CSMD1: variants seen among roughly 807,000 people sequenced by gnomAD.
CSMD1 encodes CUB and Sushi multiple domains 1.
Under a neutral mutation model 417.5 loss-of-function variants are expected in CSMD1, and 213 were observed. The ratio of observed to expected loss-of-function variants is 0.51; its 90% confidence interval spans 0.46 to 0.57. CSMD1 has a LOEUF of 0.57. Ranked by LOEUF, CSMD1 falls within the 20% of genes least tolerant of loss-of-function variation. CSMD1 has a pLI of 0.00. For missense variants in CSMD1, 6,923 were observed against 4,529.7 expected, an observed-to-expected ratio of 1.53 and a Z score of -15.17; for synonymous variants, 2,862 against 1,736.8, an observed-to-expected ratio of 1.65 and a Z score of -16.11.
rs114925198 is a variant in CSMD1 at position 4,904,417 on chromosome 8, T to C, written c.85+89915A>G. Among the ~76,000 whole-genome samples the C allele has an allele frequency of 7.0e-3, 1,071 of 152,300 alleles. 12 individuals carry two copies. The highest frequency in any genetic ancestry group is 0.025 in the African/African-American group (1,021 of 41,570). On this transcript the variant is annotated intron_variant, in intron 1 of 69. Coordinates refer to ENST00000635120, the MANE Select transcript of CSMD1 (RefSeq NM_033225.6). ...AGTCAGGCAAAGAACAAACAACTTA[T>C]ATCTCACAAATAAAACTAGCTATTT... is the stretch of plus-strand genomic sequence containing the variant.
chr8:3,858,328 T>C (rs1195775837), intron 5 of CSMD1, among the ~76,000 whole-genome samples: 1 of 152,214 alleles, frequency 6.6e-6, no homozygotes, highest in Non-Finnish European at 1.5e-5. Flanking sequence ...AAGGCTCTTC[T>C]TTTGAGAAAA....
At chr8:3,169,106 C>T (rs1033081088) in intron 37 of CSMD1, among the ~76,000 whole-genome samples, 1 of 152,138 alleles carries the variant, frequency 6.6e-6, no homozygotes, top group Admixed American at 6.5e-5. Context: ...CATTCATGGG[C>T]AGATGGTAAG....
At chr8:3,636,961 T>C (rs940377517) in intron 7 of CSMD1, among the ~76,000 whole-genome samples, 6 of 152,196 alleles carry the variant, frequency 3.9e-5, no homozygotes, top group African/African-American at 9.6e-5. Flanking sequence ...TGGATTGCTA[T>C]AAATGCGAAT....
At chr8:3,426,416 G>C (rs1267348257) in intron 12 of CSMD1, among the ~76,000 whole-genome samples, 1 of 152,054 alleles carries the variant, frequency 6.6e-6, no homozygotes, top group Non-Finnish European at 1.5e-5. Context: ...CTCTAACTTT[G>C]CTTTTTTATT....
At chr8:3,663,832 C>T (rs751682222) in intron 7 of CSMD1, among the ~76,000 whole-genome samples, 4 of 152,070 alleles carry the variant, frequency 2.6e-5, no homozygotes, top group Non-Finnish European at 2.9e-5. Flanking sequence ...CTCTGACCAC[C>T]GGGGGCACGT....
chr8:4,855,488 C>G (rs111535480), intron 1 of CSMD1, among the ~76,000 whole-genome samples: 1 of 151,800 alleles, frequency 6.6e-6, no homozygotes, highest in Non-Finnish European at 1.5e-5. Flanking sequence ...GACATTCAAA[C>G]GAAAGGCAAA....
At chr8:3,049,864 G>A (rs13262633) in intron 50 of CSMD1, among the ~76,000 whole-genome samples, 27,179 of 152,000 alleles carry the variant, frequency 0.18, 3,099 homozygotes, top group Non-Finnish European at 0.25. Flanking sequence ...CACATGTTGC[G>A]GACGGTGTGT....
chr8:3,925,167 T>C (rs959921716), intron 5 of CSMD1, among the ~76,000 whole-genome samples: 40 of 152,144 alleles, frequency 2.6e-4, no homozygotes, highest in Non-Finnish European at 3.7e-4. Flanking sequence ...TCCTGACCCA[T>C]AGAAATTATG....
chr8:3,877,770 C>G (rs187257764), intron 5 of CSMD1, among the ~76,000 whole-genome samples: 1 of 152,114 alleles, frequency 6.6e-6, no homozygotes, highest in Non-Finnish European at 1.5e-5. Context: ...GTAAATCTAG[C>G]GTTAGCATGG....
chr8:3,668,095 G>C (rs932191242), intron 7 of CSMD1, among the ~76,000 whole-genome samples: 1 of 152,128 alleles, frequency 6.6e-6, no homozygotes, highest in Non-Finnish European at 1.5e-5. Flanking sequence ...CTACCCCTGG[G>C]CTAGAAGGCA....
chr8:3,819,596 T>C (rs912521243), intron 5 of CSMD1, among the ~76,000 whole-genome samples: 9 of 151,806 alleles, frequency 5.9e-5, no homozygotes, highest in Non-Finnish European at 1.2e-4. Context: ...GTAACATATA[T>C]ATGCTGAGAC....
chr8:4,336,994 A>G (rs1387268970), intron 3 of CSMD1, among the ~76,000 whole-genome samples: 4 of 152,084 alleles, frequency 2.6e-5, no homozygotes, highest in African/African-American at 9.7e-5. Context: ...TCTTCCCAGA[A>G]TGGCTGACTG....
chr8:4,994,338 C>T lies in CSMD1; in HGVS notation c.79G>A (p.Ala27Thr), dbSNP rs774323702. ...AGGAGCAAGTCCGTCTTACCCTTCG[C>T]TGCAGTGAGGAGCCTCGCGCACAGC... ...LVLCARLLTA[A>T]KGQNCGGLVQ... Residue 27 changes from alanine (A) to threonine (T), a missense_variant, in exon 1 of 70, where the codon GCG becomes ACG. Coordinates refer to ENST00000635120, the MANE Select transcript of CSMD1 (RefSeq NM_033225.6). 2 of 1,610,560 alleles carry T rather than the reference C, an allele frequency of 1.2e-6. No individual in the cohort carries two copies. The highest frequency in any genetic ancestry group is 1.7e-6 in the Non-Finnish European group (2 of 1,179,756).
At chr8:3,709,930 A>G (rs1467341821) in intron 6 of CSMD1, among the ~76,000 whole-genome samples, 1 of 28 alleles carries the variant, frequency 0.036, no homozygotes, top group Non-Finnish European at 0.083. Context: ...CCTGAAGCAT[A>G]CAAGGGGTTG....
At chr8:3,172,656 G>C (rs1820654064) in intron 37 of CSMD1, among the ~76,000 whole-genome samples, 1 of 152,162 alleles carries the variant, frequency 6.6e-6, no homozygotes, top group Admixed American at 6.5e-5. Context: ...ACTTAAGGGG[G>C]GCAGAGAAGG....
intron 2 of CSMD1, among the ~76,000 whole-genome samples, chr8:4,576,238 G>T (rs1342042582): frequency 6.6e-6 from 1 of 152,160 alleles, no homozygotes; most frequent in Admixed American, 6.5e-5. Context: ...TGAATTCCAG[G>T]CACCCTTCTA....
chr8:3,446,182 G>A (rs1585176417), intron 12 of CSMD1, among the ~76,000 whole-genome samples: 1 of 152,048 alleles, frequency 6.6e-6, no homozygotes. Context: ...AAGAAAAGAG[G>A]ATGAGGGAGA....
intron 3 of CSMD1, among the ~76,000 whole-genome samples, chr8:4,296,381 T>C (rs924688184): frequency 6.6e-6 from 1 of 152,178 alleles, no homozygotes; most frequent in African/African-American, 2.4e-5. Context: ...ATCCATTATT[T>C]CTAAACATAA....
intron 4 of CSMD1, among the ~76,000 whole-genome samples, chr8:4,021,826 C>T (rs1179545824): frequency 2.6e-5 from 4 of 151,972 alleles, no homozygotes; most frequent in South Asian, 2.1e-4. Context: ...ACTAAAGACC[C>T]GGGGCTCTAG....
Sources: allele counts gnomAD v4.1 joint callset (sites outside exome capture counted in the v4.1 genomes callset), GRCh38; gene constraint gnomAD v4.1.1; transcripts MANE v1.5; gene names NCBI Gene and HGNC (gene_info 2026-07-23, HGNC 2026-07-21).